Variants in OXCT1 observed in about 807,000 individuals in gnomAD.
The protein encoded by OXCT1 is succinyl-CoA:3-ketoacid coenzyme A transferase 1, mitochondrial.
Under a neutral mutation model 69.6 loss-of-function variants are expected in OXCT1, and 27 were observed. The ratio of observed to expected loss-of-function variants is 0.39; its 90% CI spans 0.29 to 0.54. OXCT1 has a LOEUF of 0.54. Among genes scored for constraint, OXCT1 ranks in the 20% least tolerant of loss-of-function variants. The probability of loss-of-function intolerance (pLI) is 0.72; values close to 1 mark genes in which losing one functional copy is unlikely to be tolerated. For synonymous variants in OXCT1, 202 were observed against 217.8 expected (o/e 0.93, Z 0.64); for missense variants, 437 against 650.2 (o/e 0.67, Z 3.57).
At position 41,807,475 on chromosome 5, in the gene OXCT1, G is replaced by C. The variant is rs1472991706; in HGVS notation, c.733-37C>G. 3.4e-6 allele frequency: 4 copies of C among 1,188,352 alleles called. No homozygotes were observed. In the South Asian group the frequency reaches 3.6e-5, roughly 11 times the overall value. The allele number at this position is 1,188,352 out of a possible 1,614,324, so 73.6% of individuals were successfully genotyped here. ...GAAATTTCTTTCAAAGTTAGTGAAAGCTTAAAGTGAACATTTTTAATTTTT... is the reference window on the plus strand; with the variant it reads ...GAAATTTCTTTCAAAGTTAGTGAAACCTTAAAGTGAACATTTTTAATTTTT... On this transcript the variant is annotated intron_variant, in intron 7 of 16. Coordinates refer to ENST00000196371, the MANE Select transcript of OXCT1 (RefSeq NM_000436.4).
At chr5:41,749,738 C>T (rs965282018) in intron 14 of OXCT1, 131 bp from the exon 15 acceptor site, 2 of 677,776 alleles carry the variant, frequency 3.0e-6, no homozygotes, top group African/African-American at 3.6e-5. Context: ...AGAATTTTTG[C>T]ACAGTTACAT....
At chr5:41,869,003 G>A (rs1750142884) in intron 1 of OXCT1, among the ~76,000 whole-genome samples, 1 of 152,206 alleles carries the variant, frequency 6.6e-6, no homozygotes, top group South Asian at 2.1e-4. Flanking sequence ...GAACGTTCCT[G>A]ACCTCGGCCC....
intron 16 of OXCT1, among the ~76,000 whole-genome samples, chr5:41,733,963 T>C (rs900225550): frequency 2.0e-5 from 3 of 152,212 alleles, no homozygotes; most frequent in Admixed American, 6.5e-5. Context: ...CAAAAGTATA[T>C]TGCTTGACTC....
At chr5:41,769,842 T>C (rs1016506285) in intron 13 of OXCT1, among the ~76,000 whole-genome samples, 2 of 152,212 alleles carry the variant, frequency 1.3e-5, no homozygotes, top group Non-Finnish European at 2.9e-5. Context: ...TGGCAGGATC[T>C]CCGCCTCCTG....
At chr5:41,856,290 C>A (rs946011231) in intron 3 of OXCT1, among the ~76,000 whole-genome samples, 3 of 152,106 alleles carry the variant, frequency 2.0e-5, no homozygotes, top group Non-Finnish European at 4.4e-5. Flanking sequence ...ACTTGTTGCC[C>A]ATCCTGATGA....
At chr5:41,812,998 G>A (rs545792185) in intron 7 of OXCT1, among the ~76,000 whole-genome samples, 12 of 152,124 alleles carry the variant, frequency 7.9e-5, no homozygotes, top group Admixed American at 6.6e-4. Context: ...TGGTCTAGAT[G>A]GCCATAAAGA....
Position 41,749,562 on chromosome 5 carries a change from C to T in OXCT1, c.1384G>A (p.Gly462Arg). ...ATAATGCGGTTGACACATTGCTTTC[C>T]AGTCAATGGTAATGTACATTTCTCC... ...IMEKCTLPLT[G>R]KQCVNRIITE... The change falls in exon 15 of 17, where the codon GGA becomes AGA. Residue 462 changes from glycine (G) to arginine (R), a missense_variant. Gly to Arg is a moderately radical substitution (Grantham distance 125). This residue lies in a region of OXCT1 where 102 missense variants were observed against 162.1 expected (regional missense o/e 0.63). Coordinates refer to ENST00000196371, the MANE Select transcript of OXCT1 (RefSeq NM_000436.4). The T allele has an allele frequency of 6.2e-7, 1 of 1,609,348 alleles. No homozygotes were observed.
intron 11 of OXCT1, among the ~76,000 whole-genome samples, chr5:41,797,199 A>G (rs747661563): frequency 4.6e-5 from 7 of 152,200 alleles, no homozygotes; most frequent in African/African-American, 7.2e-5. Flanking sequence ...CTGATAATAC[A>G]TAGAAGGCAT....
At chr5:41,763,688 G>A (rs1744457815) in intron 13 of OXCT1, among the ~76,000 whole-genome samples, 1 of 152,040 alleles carries the variant, frequency 6.6e-6, no homozygotes, top group African/African-American at 2.4e-5. Flanking sequence ...TATACATAGT[G>A]TCCTTGGCAG....
intron 7 of OXCT1, among the ~76,000 whole-genome samples, chr5:41,838,952 A>G (rs1367353780): frequency 6.6e-6 from 1 of 152,028 alleles, no homozygotes; most frequent in East Asian, 1.9e-4. Flanking sequence ...ACCATACTGG[A>G]GAGTGTAGTG....
At chr5:41,739,321 C>T (rs1212266859) in intron 16 of OXCT1, 69 bp downstream of exon 16, 4 of 1,015,142 alleles carry the variant, frequency 3.9e-6, no homozygotes, top group Non-Finnish European at 6.3e-6. Flanking sequence ...GGTTCATGTC[C>T]TGCAAACACC....
chr5:41,761,642 A>G (rs1043552684), intron 14 of OXCT1, among the ~76,000 whole-genome samples: 10 of 152,104 alleles, frequency 6.6e-5, no homozygotes, highest in Admixed American at 2.6e-4. Context: ...ATTTTGTAAC[A>G]TCTTCTGGAT....
chr5:41,870,070 A>G lies in OXCT1; in HGVS notation c.78+211T>C, dbSNP rs1750213756. 1 of 595,668 alleles carries G rather than the reference A, an allele frequency of 1.7e-6. No individual in the cohort carries two copies. The highest frequency in any genetic ancestry group is 1.9e-5 in the African/African-American group (1 of 53,776). 36.9% of individuals were successfully genotyped at this position (595,668 alleles called of 1,614,324 possible). A position where few individuals can be genotyped will look rare whatever the true frequency, so the allele number is the denominator to read the frequency against. Reference sequence around the variant, plus strand: ...TTATCGCGTCTCGCTCCATCAGGGAAGCGACTGCAGAACCAAGCAAAGGCG... The same window carrying G: ...TTATCGCGTCTCGCTCCATCAGGGAGGCGACTGCAGAACCAAGCAAAGGCG... On this transcript the variant is annotated intron_variant, in intron 1 of 16. Transcript: ENST00000196371. The surrounding 1 kb of genome is among the most constrained non-coding windows in gnomAD (Gnocchi z 4.2).
rs151176864 is a variant in OXCT1 at position 41,784,137 on chromosome 5, C to T, written c.1248+9866G>A. Among the ~76,000 whole-genome samples, 416 of 152,246 alleles carry T rather than the reference C, an allele frequency of 2.7e-3. 2 individuals are homozygous for T. The highest frequency in any genetic ancestry group is 8.6e-3 in the African/African-American group (356 of 41,552). On this transcript the variant is annotated intron_variant, in intron 13 of 16. Transcript: ENST00000196371. ...TAATTCTGATATTTCTCCAATTGTGCTTCAGTGTTTCCCATTTAACAAGTA... is the reference window on the plus strand; with the variant it reads ...TAATTCTGATATTTCTCCAATTGTGTTTCAGTGTTTCCCATTTAACAAGTA...
chr5:41,869,081 C>A (rs372923524), intron 1 of OXCT1, among the ~76,000 whole-genome samples: 49 of 152,294 alleles, frequency 3.2e-4, no homozygotes, highest in African/African-American at 1.2e-3. Context: ...AGGTCAAGTT[C>A]CCTTTTAATA....
At chr5:41,868,445 A>T (rs1185523592) in intron 1 of OXCT1, among the ~76,000 whole-genome samples, 1 of 152,228 alleles carries the variant, frequency 6.6e-6, no homozygotes, top group Admixed American at 6.5e-5. Context: ...TGAGGATTTA[A>T]AGTGCTAAAC....
At chr5:41,794,583 T>C in intron 12 of OXCT1, 94 bp downstream of exon 12, 2 of 1,118,444 alleles carry the variant, frequency 1.8e-6, no homozygotes, top group South Asian at 1.3e-5. Flanking sequence ...GGCTGGGAAA[T>C]GTGGCTGTGT....
chr5:41,733,244 CT>C (rs35461928), intron 16 of OXCT1, among the ~76,000 whole-genome samples: 30,013 of 127,818 alleles, frequency 0.23, 2,056 homozygotes, highest in Middle Eastern at 0.32. Context: ...TTTAGTGAAA[CT>C]TTTTTTTTTT....
intron 4 of OXCT1, among the ~76,000 whole-genome samples, chr5:41,853,016 A>G (rs1749255447): frequency 6.6e-6 from 1 of 151,906 alleles, no homozygotes. Flanking sequence ...GTTTGCAGTG[A>G]GCCGAGATCA....
Sources: allele counts gnomAD v4.1 joint callset (sites outside exome capture counted in the v4.1 genomes callset), GRCh38; gene constraint gnomAD v4.1.1; regional missense constraint gnomAD v4.1.1; non-coding constraint Gnocchi (gnomAD v3.1); transcripts MANE v1.5; gene names NCBI Gene and HGNC (gene_info 2026-07-23, HGNC 2026-07-21).